The following GALNT7 variants were observed in gnomAD, a reference collection of about 807,000 sequenced individuals.
GALNT7 encodes N-acetylgalactosaminyltransferase 7.
Under a neutral mutation model 82.1 loss-of-function variants are expected in GALNT7, and 60 were observed. The observed-to-expected ratio is 0.73, with a 90% CI of 0.59 to 0.91. The LOEUF is 0.91. Ranked by LOEUF, GALNT7 falls within the 40% of genes least tolerant of loss-of-function variation. GALNT7 has a pLI of 0.00. For synonymous variants in GALNT7, 243 were observed against 275.1 expected (o/e 0.88, Z 1.15); for missense variants, 660 against 804.2 (o/e 0.82, Z 2.17).
At chr4:173,195,689 C>A (rs1732752136) in intron 1 of GALNT7, among the ~76,000 whole-genome samples, 1 of 152,184 alleles carries the variant, frequency 6.6e-6, no homozygotes, top group Admixed American at 6.5e-5. Context: ...CTGTCAAGAA[C>A]TTCTGTTCCA....
intron 1 of GALNT7, among the ~76,000 whole-genome samples, chr4:173,181,445 AT>A (rs1450227732): frequency 6.6e-6 from 1 of 152,170 alleles, no homozygotes; most frequent in African/African-American, 2.4e-5. Context: ...TTAGTAAATA[AT>A]TTTCTAAAAT....
At chr4:173,189,723 C>A (rs1347909468) in intron 1 of GALNT7, among the ~76,000 whole-genome samples, 2 of 152,234 alleles carry the variant, frequency 1.3e-5, no homozygotes. Context: ...CGAGGGAATT[C>A]TGTGTACAAA....
At chr4:173,293,160 T>A (rs961882716) in intron 3 of GALNT7, among the ~76,000 whole-genome samples, 1 of 152,280 alleles carries the variant, frequency 6.6e-6, no homozygotes, top group Non-Finnish European at 1.5e-5. Context: ...AGTAAAAGTT[T>A]ATCATATCCT....
intron 3 of GALNT7, among the ~76,000 whole-genome samples, chr4:173,294,179 A>T (rs531067681): frequency 6.6e-6 from 1 of 152,302 alleles, no homozygotes; most frequent in East Asian, 1.9e-4. Context: ...AGATGTGTTT[A>T]ACTTGTATAT....
intron 2 of GALNT7, among the ~76,000 whole-genome samples, chr4:173,266,101 T>C (rs1452273422): frequency 6.6e-6 from 1 of 151,872 alleles, no homozygotes; most frequent in Non-Finnish European, 1.5e-5. Context: ...CTACTACAAA[T>C]ACAAAAAAAT....
intron 2 of GALNT7, among the ~76,000 whole-genome samples, chr4:173,274,741 A>G (rs1735840188): frequency 6.6e-6 from 1 of 152,238 alleles, no homozygotes; most frequent in Non-Finnish European, 1.5e-5. Flanking sequence ...AGGAGATCAC[A>G]ATAACTAATA....
chr4:173,269,044 T>TTATA (rs2126784680), intron 2 of GALNT7, among the ~76,000 whole-genome samples: 1 of 152,234 alleles, frequency 6.6e-6, no homozygotes, highest in South Asian at 2.1e-4. Context: ...CAGTACCCCA[T>TTATA]TATAATAAAC....
chr4:173,266,388 C>G (rs1469452475), intron 2 of GALNT7, among the ~76,000 whole-genome samples: 1 of 152,188 alleles, frequency 6.6e-6, no homozygotes, highest in African/African-American at 2.4e-5. Context: ...ATGTGATCAT[C>G]CAGGATTAAA....
At chr4:173,296,483 T>C (rs73003342) in intron 5 of GALNT7, among the ~76,000 whole-genome samples, 8,770 of 152,248 alleles carry the variant, frequency 0.058, 397 homozygotes, top group African/African-American at 0.12. Flanking sequence ...GGCAGAACTT[T>C]GGAGGATTTA....
chr4:173,315,825 T>C (rs1006146012), intron 9 of GALNT7: 1 of 152,200 alleles, frequency 6.6e-6, no homozygotes, highest in South Asian at 2.1e-4. Context: ...AAACTCGACA[T>C]AGCCTAAATT....
intron 2 of GALNT7, among the ~76,000 whole-genome samples, chr4:173,285,475 A>G (rs1736288700): frequency 6.6e-6 from 1 of 152,258 alleles, no homozygotes; most frequent in Non-Finnish European, 1.5e-5. Flanking sequence ...AACATTTAGC[A>G]AAGCTAGTAT....
intron 2 of GALNT7, among the ~76,000 whole-genome samples, chr4:173,260,058 A>G (rs968018023): frequency 6.6e-6 from 1 of 152,346 alleles, no homozygotes; most frequent in South Asian, 2.1e-4. Flanking sequence ...TTTACAGTAT[A>G]CTTATCAGGA....
chr4:173,178,773 T>A (rs1421879282), intron 1 of GALNT7, among the ~76,000 whole-genome samples: 14 of 152,248 alleles, frequency 9.2e-5, no homozygotes, highest in Admixed American at 9.2e-4. Flanking sequence ...AAGGTACGAT[T>A]AACTATAGTA....
At chr4:173,237,615 A>G (rs1225178042) in intron 1 of GALNT7, among the ~76,000 whole-genome samples, 1 of 152,194 alleles carries the variant, frequency 6.6e-6, no homozygotes, top group Admixed American at 6.5e-5. Context: ...GGAAATCATT[A>G]TATGGTTTCA....
At position 173,302,982 on chromosome 4, in the gene GALNT7, G is replaced by A. The variant is rs1052338042; in HGVS notation, c.1266+818G>A. On this transcript the variant is annotated intron_variant, in intron 7 of 11. Coordinates refer to ENST00000265000, the MANE Select transcript of GALNT7 (RefSeq NM_017423.3). The surrounding 1 kb of genome is among the most constrained non-coding windows in gnomAD (Gnocchi z 4.2). Reference sequence around the variant, plus strand: ...GAGGCCAACATGGGCGGATCATGAGGTCAAGAGATCGAGACCATCCTAGCC... The same window carrying A: ...GAGGCCAACATGGGCGGATCATGAGATCAAGAGATCGAGACCATCCTAGCC... 1.3e-5 allele frequency among the ~76,000 whole-genome samples: 2 copies of A among 152,210 alleles called. No individual in the cohort carries two copies. Among genetic ancestry groups the A allele is most frequent in the Non-Finnish European group, 2.9e-5 (2 of 68,028 alleles).
chr4:173,169,887 T>G (rs1731797452), intron 1 of GALNT7, among the ~76,000 whole-genome samples: 1 of 151,908 alleles, frequency 6.6e-6, no homozygotes, highest in Non-Finnish European at 1.5e-5. Context: ...GCCGGCTAGC[T>G]CAGGCCGACG....
At chr4:173,321,447 CAA>C (rs1409288075) in intron 11 of GALNT7, 131 bp from the exon 12 acceptor site, 2 of 638,246 alleles carry the variant, frequency 3.1e-6, no homozygotes, top group South Asian at 2.0e-5. Flanking sequence ...AAGAGAAATC[CAA>C]AGTCTGAGGT....
chr4:173,234,331 G>A (rs1469093889), intron 1 of GALNT7, among the ~76,000 whole-genome samples: 2 of 151,976 alleles, frequency 1.3e-5, no homozygotes, highest in African/African-American at 4.8e-5. Flanking sequence ...ATAAAGATTT[G>A]TGCCAAATTA....
chr4:173,225,039 TAA>T (rs1187800016), intron 1 of GALNT7, among the ~76,000 whole-genome samples: 21 of 148,502 alleles, frequency 1.4e-4, no homozygotes, highest in East Asian at 5.9e-4. Flanking sequence ...ATAATAATAA[TAA>T]TAATAATAAT....
Sources: gnomAD v4.1 joint callset for allele counts (sites outside exome capture counted in the v4.1 genomes callset) on GRCh38, gnomAD v4.1.1 for gene constraint, Gnocchi (gnomAD v3.1) non-coding constraint, MANE v1.5 for transcripts, NCBI Gene and HGNC (gene_info 2026-07-23, HGNC 2026-07-21) for gene names.